Variants in ABCB11 observed in about 807,000 individuals in gnomAD.
The protein encoded by ABCB11 is ATP binding cassette subfamily B member 11.
ABCB11 carries 95 observed loss-of-function variants against 148.0 expected under a neutral mutation model. The observed-to-expected ratio is 0.64, with a 90% confidence interval of 0.54 to 0.76. ABCB11 has a LOEUF of 0.76. ABCB11 is among the 30% of genes least tolerant of loss of function. The pLI is 0.00. For synonymous variants in ABCB11, 591 were observed against 555.4 expected (o/e 1.06, Z -0.90); for missense variants, 1,523 against 1,617.8 (o/e 0.94, Z 1.01).
chr2:168,969,133 G>C (rs923590348), intron 16 of ABCB11, among the ~76,000 whole-genome samples: 11 of 139,558 alleles, frequency 7.9e-5, no homozygotes, highest in Middle Eastern at 3.7e-3. Flanking sequence ...AAAAAAAAAG[G>C]GGGGGATGGA....
At chr2:168,974,971 T>TA (rs993817626) in intron 12 of ABCB11, among the ~76,000 whole-genome samples, 1 of 147,584 alleles carries the variant, frequency 6.8e-6, no homozygotes, top group Non-Finnish European at 1.5e-5. Context: ...TAAATAGAGA[T>TA]ATACACTTAT....
chr2:168,959,899 C>T (rs887989055), intron 18 of ABCB11, among the ~76,000 whole-genome samples: 1 of 121,454 alleles, frequency 8.2e-6, no homozygotes, highest in African/African-American at 3.3e-5. Context: ...GTCTCTGGTT[C>T]AGGGTACTCG....
chr2:168,966,419 G>A (rs564935906), intron 17 of ABCB11, among the ~76,000 whole-genome samples: 3 of 151,754 alleles, frequency 2.0e-5, no homozygotes. Flanking sequence ...GAGCTGTCTA[G>A]CCTAGGCTGT....
At chr2:168,961,210 G>T (rs2105940954) in intron 18 of ABCB11, among the ~76,000 whole-genome samples, 2 of 151,804 alleles carry the variant, frequency 1.3e-5, no homozygotes, top group Admixed American at 1.3e-4. Context: ...CTAGACACTG[G>T]GCTTTTCTGT....
intron 11 of ABCB11, among the ~76,000 whole-genome samples, chr2:168,979,614 G>A (rs887151041): frequency 3.4e-5 from 5 of 145,922 alleles, no homozygotes; most frequent in Admixed American, 7.0e-5. Flanking sequence ...GGGGGTTGCA[G>A]TGAGCCGAGA....
At chr2:168,936,749 A>G (rs995930817) in intron 21 of ABCB11, among the ~76,000 whole-genome samples, 5 of 151,964 alleles carry the variant, frequency 3.3e-5, no homozygotes, top group Non-Finnish European at 5.9e-5. Context: ...AAATTTGCCT[A>G]CCCTAGGTAT....
chr2:168,978,186 C>T (rs1296488106), intron 11 of ABCB11, among the ~76,000 whole-genome samples: 1 of 134,676 alleles, frequency 7.4e-6, no homozygotes, highest in Non-Finnish European at 1.6e-5. Flanking sequence ...CACTCTGTCA[C>T]CCAGGCCAGA....
At chr2:168,927,444 A>C in intron 25 of ABCB11, 82 bp from the exon 26 acceptor site, 1 of 1,172,962 alleles carries the variant, frequency 8.5e-7, no homozygotes, top group Non-Finnish European at 1.2e-6. Context: ...ATTAGGTGTT[A>C]TGCAGGACAT....
At chr2:168,916,421 A>C (rs1301964026), downstream of ABCB11, among the ~76,000 whole-genome samples, 1 of 152,218 alleles carries the variant, frequency 6.6e-6, no homozygotes, top group Non-Finnish European at 1.5e-5. Context: ...TATTGGGTTG[A>C]GTAGTTGCAT....
chr2:169,016,512 C>A (rs1444547046), intron 3 of ABCB11, among the ~76,000 whole-genome samples: 1 of 152,142 alleles, frequency 6.6e-6, no homozygotes, highest in African/African-American at 2.4e-5. Context: ...ACTTGTTGTT[C>A]AACTTTTCCT....
chr2:168,941,019 A>G (rs1692037834), intron 21 of ABCB11, among the ~76,000 whole-genome samples: 1 of 152,070 alleles, frequency 6.6e-6, no homozygotes, highest in African/African-American at 2.4e-5. Flanking sequence ...TTGACAACGC[A>G]CCTAGTCACC....
downstream of ABCB11, among the ~76,000 whole-genome samples, chr2:168,917,132 C>T (rs1003371735): frequency 6.6e-6 from 1 of 152,032 alleles, no homozygotes; most frequent in South Asian, 2.1e-4. Context: ...AGAATCTTTT[C>T]ATTGAAATAA....
At chr2:168,926,374 T>A (rs1399616725) in intron 26 of ABCB11, among the ~76,000 whole-genome samples, 3 of 152,198 alleles carry the variant, frequency 2.0e-5, no homozygotes, top group African/African-American at 7.2e-5. Context: ...GCTTTCATTG[T>A]GTGGCTATTA....
chr2:168,965,213 T>A (rs1341328211), intron 17 of ABCB11, among the ~76,000 whole-genome samples: 1 of 151,734 alleles, frequency 6.6e-6, no homozygotes, highest in East Asian at 2.0e-4. Context: ...AACATAAGCA[T>A]GGAGACAGGG....
chr2:168,979,729 A>T (rs373323070), intron 11 of ABCB11, 137 bp downstream of exon 11: 2 of 403,430 alleles, frequency 5.0e-6, no homozygotes, highest in Non-Finnish European at 9.1e-6. Context: ...ATAGCATTTA[A>T]TAAGTGTTGC....
chr2:168,960,213 A>T (rs1024795610), intron 18 of ABCB11, among the ~76,000 whole-genome samples: 1 of 151,680 alleles, frequency 6.6e-6, no homozygotes, highest in East Asian at 2.0e-4. Context: ...AAAAATACTC[A>T]TCAGGTAATT....
chr2:168,954,661 TTTTAC>T (rs1692713656), intron 19 of ABCB11, among the ~76,000 whole-genome samples: 1 of 151,818 alleles, frequency 6.6e-6, no homozygotes. Context: ...AAATTCTTTC[TTTTAC>T]TTTGACTTTA....
intron 10 of ABCB11, among the ~76,000 whole-genome samples, chr2:168,981,841 A>G (rs1213719033): frequency 6.6e-6 from 1 of 152,216 alleles, no homozygotes; most frequent in Non-Finnish European, 1.5e-5. Context: ...ATATGTAAAT[A>G]AGTGACTGTG....
Position 168,922,768 on chromosome 2 carries a change from G to A in ABCB11, c.*854C>T, listed in dbSNP as rs566374346. Among the ~76,000 whole-genome samples the A allele has an allele frequency of 6.6e-6, 1 of 152,138 alleles. No individual in the cohort carries two copies. The highest frequency in any genetic ancestry group is 1.5e-5 in the Non-Finnish European group (1 of 67,992). On this transcript the variant is annotated 3_prime_UTR_variant, in exon 28 of 28. Transcript: ENST00000650372. Reference sequence around the variant, plus strand: ...TTCTGCCATATTTACTTGCTTTTTTGTATAAAACCTTATGAAACTACAGCA... The same window carrying A: ...TTCTGCCATATTTACTTGCTTTTTTATATAAAACCTTATGAAACTACAGCA...
Sources: gnomAD v4.1 joint callset for allele counts (sites outside exome capture counted in the v4.1 genomes callset) on GRCh38, gnomAD v4.1.1 for gene constraint, MANE v1.5 for transcripts, NCBI Gene and HGNC (gene_info 2026-07-23, HGNC 2026-07-21) for gene names.